ARPP19: variants seen among roughly 807,000 people sequenced by gnomAD.
ARPP19 encodes cAMP regulated phosphoprotein 19.
Under a neutral mutation model 12.0 loss-of-function variants are expected in ARPP19, and 8 were observed. The observed-to-expected ratio is 0.67, with a 90% CI of 0.39 to 1.21. The LOEUF is 1.21. ARPP19 is among the 50% of genes most tolerant of loss of function. ARPP19 has a pLI of 0.01. For synonymous variants in ARPP19, 47 were observed against 50.4 expected (o/e 0.93, Z 0.29); for missense variants, 102 against 136.3 (o/e 0.75, Z 1.25).
Position 52,551,620 on chromosome 15 carries a change from A to G in ARPP19, c.*314T>C, listed in dbSNP as rs1199702777. 9.4e-6 allele frequency: 2 copies of G among 212,854 alleles called. No individual in the cohort carries two copies. The highest frequency in any genetic ancestry group is 1.1e-4 in the East Asian group (1 of 8,946). The allele number at this position is 212,854 out of a possible 1,614,324, so 13.2% of individuals were successfully genotyped here. A position where few individuals can be genotyped will look rare whatever the true frequency, so the allele number is the denominator to read the frequency against. Reference sequence around the variant, plus strand: ...AGCTATAATTAAGATGAAGTAATGAAAGCCAAAACATTAAAATTTTAAAAC... The same window carrying G: ...AGCTATAATTAAGATGAAGTAATGAGAGCCAAAACATTAAAATTTTAAAAC... On this transcript the variant is annotated 3_prime_UTR_variant, in exon 3 of 3. Coordinates refer to ENST00000249822, the MANE Select transcript of ARPP19 (RefSeq NM_006628.6).
intron 2 of ARPP19, among the ~76,000 whole-genome samples, chr15:52,556,076 T>A (rs2077978750): frequency 6.6e-6 from 1 of 152,066 alleles, no homozygotes; most frequent in African/African-American, 2.4e-5. Context: ...CATTATTCCA[T>A]CATCCTAGTA....
intron 1 of ARPP19, among the ~76,000 whole-genome samples, chr15:52,561,948 T>A (rs2078037098): frequency 6.8e-6 from 1 of 147,932 alleles, no homozygotes; most frequent in South Asian, 2.1e-4. Flanking sequence ...TTTTTTTTTT[T>A]TTTTTTTTAT....
At chr15:52,559,691 A>G (rs918394002) in intron 1 of ARPP19, among the ~76,000 whole-genome samples, 1 of 152,222 alleles carries the variant, frequency 6.6e-6, no homozygotes, top group Non-Finnish European at 1.5e-5. Flanking sequence ...ATGTAAGATT[A>G]CCAAGTTTAA....
intron 1 of ARPP19, among the ~76,000 whole-genome samples, chr15:52,562,347 A>G (rs4774632): frequency 0.023 from 3,524 of 152,344 alleles, 62 homozygotes; most frequent in Middle Eastern, 0.048. Context: ...GCAATTCATT[A>G]AAGTCAGTAA....
At chr15:52,558,434 C>A (rs1319703042) in intron 1 of ARPP19, among the ~76,000 whole-genome samples, 1 of 149,108 alleles carries the variant, frequency 6.7e-6, no homozygotes, top group East Asian at 2.0e-4. Flanking sequence ...TGGGTGCATA[C>A]CCAGGTCTAG....
chr15:52,563,385 G>A (rs1453173205), intron 1 of ARPP19, among the ~76,000 whole-genome samples: 1 of 152,020 alleles, frequency 6.6e-6, no homozygotes, highest in African/African-American at 2.4e-5. Flanking sequence ...CCCAGGATAT[G>A]GTAACACAGA....
chr15:52,555,013 TAG>T (rs1181825267), intron 2 of ARPP19, among the ~76,000 whole-genome samples: 1 of 152,006 alleles, frequency 6.6e-6, no homozygotes, highest in Non-Finnish European at 1.5e-5. Context: ...TAACTAGTGA[TAG>T]AGGAAAATTA....
intron 1 of ARPP19, among the ~76,000 whole-genome samples, chr15:52,561,651 A>C (rs1315838895): frequency 1.3e-5 from 2 of 152,020 alleles, no homozygotes; most frequent in Non-Finnish European, 2.9e-5. Context: ...GAAAGGAAGA[A>C]AAATAAAAAA....
chr15:52,557,859 G>A (rs2077995666), intron 1 of ARPP19: 1 of 152,070 alleles, frequency 6.6e-6, no homozygotes, highest in African/African-American at 2.4e-5. Flanking sequence ...TTACAGGCAT[G>A]ACCCACCATG....
chr15:52,557,738 T>A (rs1306920095), intron 1 of ARPP19: 1 of 151,858 alleles, frequency 6.6e-6, no homozygotes, highest in Non-Finnish European at 1.5e-5. Context: ...AATAAATTTT[T>A]AATATTTTTA....
Position 52,552,058 on chromosome 15 carries a change from A to G in ARPP19, c.215T>C (p.Met72Thr). The change falls in exon 3 of 3, where the codon ATG becomes ACG. Residue 72 changes from methionine (M) to threonine (T), a missense_variant. Transcript: ENST00000249822. ...TGCAGTAGGAAGTTGCTTGTTCTTC[A>G]TTTTTGCTTTAGCCATGTTGTAATC... Reference protein sequence around the residue: ...SGDYNMAKAKMKNKQLPTAAP... With the variant: ...SGDYNMAKAKTKNKQLPTAAP... The G allele has an allele frequency of 4.3e-6, 7 of 1,613,768 alleles. No individual in the cohort carries two copies. The highest frequency in any genetic ancestry group is 5.9e-6 in the Non-Finnish European group (7 of 1,179,718).
Position 52,549,660 on chromosome 15 carries a change from C to T in ARPP19, c.*2274G>A, listed in dbSNP as rs1294909712. On this transcript the variant is annotated 3_prime_UTR_variant, in exon 3 of 3. Transcript: ENST00000249822. The stretch of plus-strand genomic sequence containing the variant: ...TCAAGCAGTTGTTTTATTACTTGTC[C>T]CAAACCACAGGAGCAGTTCTATCGT... The T allele has an allele frequency of 3.9e-5, 6 of 152,460 alleles. No individual in the cohort carries two copies. The highest frequency in any genetic ancestry group is 2.6e-4 in the Admixed American group (4 of 15,282). The allele number at this position is 152,460 out of a possible 1,614,324, so 9.4% of individuals were successfully genotyped here. A position where few individuals can be genotyped will look rare whatever the true frequency, so the allele number is the denominator to read the frequency against.
intron 1 of ARPP19, chr15:52,564,105 CA>C: frequency 1.0e-6 from 1 of 959,752 alleles, no homozygotes. Context: ...CTTGCACAAA[CA>C]AAAGAAGCAA....
intron 1 of ARPP19, chr15:52,557,705 G>A (rs1422940576): frequency 6.6e-6 from 1 of 151,826 alleles, no homozygotes; most frequent in Non-Finnish European, 1.5e-5. Flanking sequence ...GAATACAGAT[G>A]ATCCTGATAT....
Position 52,548,453 on chromosome 15 carries a change from C to A in ARPP19, c.*3481G>T, listed in dbSNP as rs919105400. On this transcript the variant is annotated 3_prime_UTR_variant, in exon 3 of 3. Transcript: ENST00000249822. ...AGTGAGCCAAGATCGCACCACTGCA[C>A]TCCAGCCTGGGCAAGAGTGAGACTC... The A allele has an allele frequency of 1.3e-5, 2 of 151,700 alleles. No homozygotes were observed. Among genetic ancestry groups the A allele is most frequent in the African/African-American group, 4.9e-5 (2 of 41,222 alleles). The allele number at this position is 151,700 out of a possible 1,614,324, so 9.4% of individuals were successfully genotyped here.
chr15:52,556,566 T>C (rs775086589), intron 2 of ARPP19, among the ~76,000 whole-genome samples: 9 of 152,202 alleles, frequency 5.9e-5, no homozygotes, highest in South Asian at 4.1e-4. Flanking sequence ...ATAAAGGAGA[T>C]AGCTGTGCAT....
chr15:52,569,217 G>C, upstream of ARPP19: 1 of 371,264 alleles, frequency 2.7e-6, no homozygotes, highest in Non-Finnish European at 4.8e-6. Context: ...GCTGCCGAGT[G>C]CTTCCTGGGA....
upstream of ARPP19, chr15:52,569,164 C>A (rs2078118455): frequency 2.1e-6 from 1 of 477,992 alleles, no homozygotes; most frequent in Non-Finnish European, 3.7e-6. Context: ...TCCTTTTTTC[C>A]TTCAAAGGTC....
intron 1 of ARPP19, among the ~76,000 whole-genome samples, chr15:52,560,891 G>A (rs755481740): frequency 6.6e-6 from 1 of 152,192 alleles, no homozygotes; most frequent in Non-Finnish European, 1.5e-5. Flanking sequence ...GCAGCTACAC[G>A]ACAAGGGAGG....
Sources: allele counts gnomAD v4.1 joint callset (sites outside exome capture counted in the v4.1 genomes callset), GRCh38; gene constraint gnomAD v4.1.1; transcripts MANE v1.5; gene names NCBI Gene and HGNC (gene_info 2026-07-23, HGNC 2026-07-21).